Variants in CEACAM20 observed in about 807,000 individuals in gnomAD.
CEACAM20 encodes the protein cell adhesion molecule CEACAM20.
Under a neutral mutation model 61.2 loss-of-function variants are expected in CEACAM20, and 50 were observed. The observed-to-expected ratio is 0.82, with a 90% CI of 0.65 to 1.03. The LOEUF (loss-of-function observed/expected upper bound fraction) is 1.03, where lower values mean the gene tolerates loss of function less well. CEACAM20 is among the 50% of genes least tolerant of loss of function. The pLI, the probability that CEACAM20 is intolerant of heterozygous loss-of-function variation, is 0.00. For synonymous variants in CEACAM20, 282 were observed against 287.7 expected, an observed-to-expected ratio of 0.98 and a Z score of 0.20; for missense variants, 683 against 736.4, an observed-to-expected ratio of 0.93 and a Z score of 0.84.
rs1971181740 is a variant in CEACAM20, at chr19:44,517,063, C to T, written c.1192G>A (p.Gly398Ser). The change falls in exon 6 of 12, where the codon GGT (glycine) becomes AGT (serine). Residue 398 changes from glycine to serine, a missense_variant. Gly to Ser is a moderately conservative substitution (Grantham distance 56). Coordinates refer to ENST00000614924, the MANE Select transcript of CEACAM20 (RefSeq NM_001102597.3). ...AGAGCCCTGATAATCAGCTGCTCAC[C>T]CAGGTGCTCCCCGGTGGAGTGTTCA... ...TLEHSTGEHL[G>S]EQLIIRALTW... 2.5e-6 allele frequency: 4 copies of T among 1,606,464 alleles called. No individual in the cohort carries two copies. The highest frequency in any genetic ancestry group is 3.4e-6 in the Non-Finnish European group (4 of 1,176,658).
rs776098638 is a variant in CEACAM20 at position 44,517,195 on chromosome 19, C to G, written c.1060G>C (p.Glu354Gln). ...YGPDQVHITR[E>Q]SASEMISTIE... ...GTGCTGATCATCTCAGATGCCGACT[C>G]CCTGGTGATGTGCACTTGGTCAGGA... The change falls in exon 6 of 12, where the codon GAG becomes CAG. Residue 354 changes from glutamate (E) to glutamine (Q), a missense_variant. Transcript: ENST00000614924. 4.9e-5 allele frequency: 79 copies of G among 1,609,094 alleles called. No individual in the cohort carries two copies. The highest frequency in any genetic ancestry group is 6.3e-5 in the Non-Finnish European group (74 of 1,179,856).
intron 11 of CEACAM20, among the ~76,000 whole-genome samples, chr19:44,509,410 TAATGA>T (rs1269910062): frequency 2.1e-5 from 3 of 143,194 alleles, no homozygotes; most frequent in Non-Finnish European, 4.6e-5. Flanking sequence ...GAATATAAAA[TAATGA>T]AATGAAATGA....
Position 44,520,544 on chromosome 19 carries a change from C to A in CEACAM20, c.960G>T (p.Gly320=), listed in dbSNP as rs1282461399. The change falls in exon 5 of 12, where the codon GGG becomes GGT. Residue 320 remains glycine (G), a synonymous_variant. Coordinates refer to ENST00000614924, the MANE Select transcript of CEACAM20 (RefSeq NM_001102597.3). ...AGTTCCAGACCTCACAGGCATAGGGCCCGGTGTCATTCCGCTGGAGGCCAT... is the reference window on the plus strand; with the variant it reads ...AGTTCCAGACCTCACAGGCATAGGGACCGGTGTCATTCCGCTGGAGGCCAT... ...IIHGLQRNDT[G]PYACEVWNWG... is the part of the protein sequence containing the mutation. 4 of 1,614,012 alleles carry A rather than the reference C, an allele frequency of 2.5e-6. No individual in the cohort carries two copies. The highest frequency in any genetic ancestry group is 3.4e-6 in the Non-Finnish European group (4 of 1,179,892).
Position 44,516,984 on chromosome 19 carries a change from C to CAT in CEACAM20, c.1270_1271insAT (p.Gly424AspfsTer14), listed in dbSNP as rs1268008188. 1 of 1,598,922 alleles carries CAT rather than the reference C, an allele frequency of 6.3e-7. No homozygotes were observed. The highest frequency in any genetic ancestry group is 1.3e-5 in the African/African-American group (1 of 74,684). On this transcript the variant is annotated frameshift_variant, in exon 6 of 12. Coordinates refer to ENST00000614924, the MANE Select transcript of CEACAM20 (RefSeq NM_001102597.3). LOFTEE classifies it high-confidence loss of function. ...CAGGACTGAAGTGGAGCGGGCCAGG[C>CAT]CAGTGAGAGAGTTGGAGGCTGTGCA...
At chr19:44,517,557 C>A (rs1041955624) in intron 5 of CEACAM20, among the ~76,000 whole-genome samples, 2 of 151,846 alleles carry the variant, frequency 1.3e-5, no homozygotes, top group Non-Finnish European at 2.9e-5. Context: ...ATTAGCCGGG[C>A]GTAGTGGCAC....
rs185615966 is a variant in CEACAM20 at position 44,519,281 on chromosome 19, T to A, written c.1030+1193A>T. On this transcript the variant is annotated intron_variant, in intron 5 of 11. Coordinates refer to ENST00000614924, the MANE Select transcript of CEACAM20 (RefSeq NM_001102597.3). ...ATCTGCCTGCTTAGTGACCTCCCCATCCCCAGCAGGCTGTGAAAGCTGAAA... is the reference window on the plus strand; with the variant it reads ...ATCTGCCTGCTTAGTGACCTCCCCAACCCCAGCAGGCTGTGAAAGCTGAAA... Among the ~76,000 whole-genome samples, 3 of 152,198 alleles carry A rather than the reference T, an allele frequency of 2.0e-5. No individual in the cohort carries two copies. The East Asian group carries it at 5.8e-4, about 29-fold the overall frequency.
chr19:44,512,796 G>A, intron 8 of CEACAM20, 72 bp downstream of exon 8: 1 of 1,269,646 alleles, frequency 7.9e-7, no homozygotes. Flanking sequence ...GCAAAGCTGG[G>A]AGCCCCCAGC....
intron 9 of CEACAM20, 64 bp from the exon 10 acceptor site, chr19:44,511,736 C>G (rs1971006356): frequency 6.5e-6 from 10 of 1,538,554 alleles, no homozygotes; most frequent in Non-Finnish European, 8.0e-6. Flanking sequence ...CCAAGAGATG[C>G]TCAGAAATAG....
Position 44,520,467 on chromosome 19 carries a change from G to C in CEACAM20, c.1030+7C>G. ...GATGGGGAAGGTCCAGGCCCTGGGT[G>C]ACTCACAGTTGATGGTCAGCTCAAG... On this transcript the variant is annotated splice_region_variant and intron_variant, in intron 5 of 11. Coordinates refer to ENST00000614924, the MANE Select transcript of CEACAM20 (RefSeq NM_001102597.3). 6.2e-7 allele frequency: 1 copy of C among 1,610,244 alleles called. No homozygotes were observed. Among genetic ancestry groups the C allele is most frequent in the Non-Finnish European group, 8.5e-7 (1 of 1,178,064 alleles).
At chr19:44,508,839 T>C (rs1039966983) in intron 11 of CEACAM20, among the ~76,000 whole-genome samples, 3 of 152,254 alleles carry the variant, frequency 2.0e-5, no homozygotes, top group African/African-American at 7.2e-5. Context: ...GACTTCTTGC[T>C]ATTGTTAAAA....
intron 11 of CEACAM20, among the ~76,000 whole-genome samples, chr19:44,508,582 G>A (rs1031544589): frequency 2.0e-5 from 3 of 152,074 alleles, no homozygotes; most frequent in African/African-American, 4.8e-5. Context: ...TAGAGACAGC[G>A]TTTCACCATG....
At chr19:44,514,137 GT>G (rs1405330743) in intron 6 of CEACAM20, among the ~76,000 whole-genome samples, 1 of 152,188 alleles carries the variant, frequency 6.6e-6, no homozygotes, top group Non-Finnish European at 1.5e-5. Context: ...CCCTGGACAA[GT>G]GAATTCATTT....
chr19:44,528,362 G>A (rs1374182126), intron 1 of CEACAM20, among the ~76,000 whole-genome samples: 1 of 151,836 alleles, frequency 6.6e-6, no homozygotes, highest in African/African-American at 2.4e-5. Context: ...CGAGTAGCTG[G>A]GATTACAGGT....
chr19:44,522,750 G>A lies in CEACAM20; in HGVS notation c.635C>T (p.Thr212Met), dbSNP rs771423208. The stretch of plus-strand genomic sequence containing the variant: ...CACAGCATGGATGGTGAATGTTCTC[G>A]TGGTGTGAGACAGAATGGAGTCAAG... Reference protein sequence around the residue: ...FLLDSILSHTTRTFTIHAVSR... With the variant: ...FLLDSILSHTMRTFTIHAVSR... Residue 212 changes from threonine (T) to methionine (M), a missense_variant, in exon 4 of 12, where the codon ACG becomes ATG. Transcript: ENST00000614924. 2.0e-5 allele frequency: 33 copies of A among 1,613,776 alleles called. No homozygotes were observed. Among genetic ancestry groups the A allele is most frequent in the African/African-American group, 2.7e-5 (2 of 74,908 alleles).
At chr19:44,520,848 G>A (rs1971342320) in intron 4 of CEACAM20, 96 bp from the exon 5 acceptor site, 2 of 272,202 alleles carry the variant, frequency 7.3e-6, no homozygotes, top group Non-Finnish European at 9.2e-6. Flanking sequence ...GTGCGTGCGT[G>A]TGTGTGTGTG....
chr19:44,529,305 CTCTGTG>C (rs571906472), intron 1 of CEACAM20, among the ~76,000 whole-genome samples, 147 bp downstream of exon 1: 83 of 151,746 alleles, frequency 5.5e-4, no homozygotes, highest in Middle Eastern at 3.4e-3. Flanking sequence ...CTGTCTCTGT[CTCTGTG>C]TCTCTATTTT....
chr19:44,510,589 A>G lies in CEACAM20; in HGVS notation c.1737+441T>C, dbSNP rs1320436254. Among the ~76,000 whole-genome samples the G allele has an allele frequency of 1.7e-4, 10 of 57,398 alleles. 2 individuals are homozygous for G. In the East Asian group the frequency reaches 0.011, roughly 66 times the overall value. 37.7% of individuals were successfully genotyped at this position (57,398 alleles called of 152,430 possible). On this transcript the variant is annotated intron_variant, in intron 11 of 11. Coordinates refer to ENST00000614924, the MANE Select transcript of CEACAM20 (RefSeq NM_001102597.3). The stretch of plus-strand genomic sequence containing the variant: ...GAAAGAAAGAAAGAAAGAAAGAAAG[A>G]AAGAAAGAAAGAAAGAAAGAAAAAG...
At chr19:44,527,215 G>A (rs1412201828) in intron 1 of CEACAM20, among the ~76,000 whole-genome samples, 1 of 152,184 alleles carries the variant, frequency 6.6e-6, no homozygotes, top group Non-Finnish European at 1.5e-5. Flanking sequence ...GGCTGAGTGA[G>A]ATATCAAATG....
At chr19:44,510,596 GAAA>G (rs1379892243) in intron 11 of CEACAM20, among the ~76,000 whole-genome samples, 3,256 of 62,774 alleles carry the variant, frequency 0.052, 248 homozygotes, top group African/African-American at 0.21. Context: ...AAGAAAGAAA[GAAA>G]GAAAGAAAGA....
Sources: allele counts gnomAD v4.1 joint callset (sites outside exome capture counted in the v4.1 genomes callset), GRCh38; gene constraint gnomAD v4.1.1; transcripts MANE v1.5; gene names NCBI Gene and HGNC (gene_info 2026-07-23, HGNC 2026-07-21).